Variants in CACNB4 observed in about 807,000 individuals in gnomAD.
The protein encoded by CACNB4 is calcium voltage-gated channel auxiliary subunit beta 4.
A neutral mutation model predicts 71.2 loss-of-function variants in CACNB4; 32 were observed. The observed-to-expected ratio is 0.45, with a 90% confidence interval of 0.34 to 0.60. The LOEUF (loss-of-function observed/expected upper bound fraction) is 0.60, where lower values mean the gene tolerates loss of function less well. Ranked by LOEUF, CACNB4 falls within the 20% of genes least tolerant of loss-of-function variation. The pLI, the probability that CACNB4 is intolerant of heterozygous loss-of-function variation, is 0.01. For missense variants in CACNB4, 464 were observed against 647.9 expected, an observed-to-expected ratio of 0.72 and a Z score of 3.08; for synonymous variants, 231 against 236.9, an observed-to-expected ratio of 0.97 and a Z score of 0.23.
intron 2 of CACNB4, among the ~76,000 whole-genome samples, chr2:152,042,544 G>A (rs1037615135): frequency 6.6e-6 from 1 of 152,004 alleles, no homozygotes; most frequent in Non-Finnish European, 1.5e-5. Context: ...CCAAATCACC[G>A]GCTAAATGTA....
chr2:151,841,389 A>C (rs989117399), intron 13 of CACNB4, among the ~76,000 whole-genome samples: 3 of 152,124 alleles, frequency 2.0e-5, no homozygotes, highest in Non-Finnish European at 2.9e-5. Flanking sequence ...CCTGGGCAAC[A>C]AAGTGAGACA....
chr2:151,841,181 C>A (rs2099836131), intron 13 of CACNB4, among the ~76,000 whole-genome samples: 1 of 152,200 alleles, frequency 6.6e-6, no homozygotes. Context: ...GGCCTAGCAA[C>A]CTGGGTGCGG....
At chr2:151,935,068 C>T (rs1160625889) in intron 2 of CACNB4, among the ~76,000 whole-genome samples, 1 of 152,218 alleles carries the variant, frequency 6.6e-6, no homozygotes, top group Non-Finnish European at 1.5e-5. Context: ...TCACCTGGAA[C>T]ATCACAAGTG....
chr2:151,979,768 G>A (rs1354133208), intron 2 of CACNB4, among the ~76,000 whole-genome samples: 1 of 152,196 alleles, frequency 6.6e-6, no homozygotes, highest in Non-Finnish European at 1.5e-5. Flanking sequence ...TGAAGATCCT[G>A]AAGACAGAAA....
At chr2:152,010,021 T>C (rs746506985) in intron 2 of CACNB4, among the ~76,000 whole-genome samples, 4 of 152,264 alleles carry the variant, frequency 2.6e-5, no homozygotes, top group Non-Finnish European at 5.9e-5. Flanking sequence ...ACATTAATAC[T>C]GAGTCACAAC....
chr2:151,975,601 G>A (rs948101358), intron 2 of CACNB4, among the ~76,000 whole-genome samples: 9 of 152,108 alleles, frequency 5.9e-5, no homozygotes, highest in Non-Finnish European at 1.2e-4. Flanking sequence ...TCTACCTGTC[G>A]ACAAGGATGC....
At chr2:151,839,910 A>T (rs950896606) in intron 13 of CACNB4, among the ~76,000 whole-genome samples, 1 of 152,204 alleles carries the variant, frequency 6.6e-6, no homozygotes, top group Non-Finnish European at 1.5e-5. Context: ...CATCCTACAT[A>T]AATGTAATAA....
At chr2:151,863,954 CTTA>C (rs2099842418) in intron 9 of CACNB4, among the ~76,000 whole-genome samples, 1 of 152,158 alleles carries the variant, frequency 6.6e-6, no homozygotes, top group Non-Finnish European at 1.5e-5. Flanking sequence ...TGCATAGATG[CTTA>C]TTATTATCAA....
intron 2 of CACNB4, among the ~76,000 whole-genome samples, chr2:151,934,946 C>G (rs1252939161): frequency 6.6e-6 from 1 of 152,232 alleles, no homozygotes; most frequent in Admixed American, 6.5e-5. Flanking sequence ...ACTAAACACA[C>G]ACATCCACTA....
At position 151,834,568 on chromosome 2, in the gene CACNB4, CTT is replaced by C. The variant is rs2099834484; in HGVS notation, c.*4549_*4550del. 1 of 151,900 alleles carries C rather than the reference CTT, an allele frequency of 6.6e-6. No individual in the cohort carries two copies. The highest frequency in any genetic ancestry group is 2.1e-4 in the South Asian group (1 of 4,822). 9.4% of individuals were successfully genotyped at this position (151,900 alleles called of 1,614,324 possible). ...AAGTCCATTTTAATAAAAGAAGAAA[CTT>C]TTAAAAGTAATTTTTGAATGCTGTA... is the stretch of plus-strand genomic sequence containing the variant. On this transcript the variant is annotated 3_prime_UTR_variant, in exon 14 of 14. Transcript: ENST00000539935.
chr2:151,972,118 C>G (rs1344843771), intron 2 of CACNB4: 1 of 158,246 alleles, frequency 6.3e-6, no homozygotes, highest in Non-Finnish European at 1.4e-5. Flanking sequence ...TGGCTCCCCT[C>G]TGAACCAGTG....
intron 10 of CACNB4, chr2:151,857,933 T>G (rs968305967): frequency 1.3e-5 from 2 of 152,280 alleles, no homozygotes; most frequent in African/African-American, 4.8e-5. Flanking sequence ...GAGAGGTGCT[T>G]GGGCAGAACA....
intron 2 of CACNB4, among the ~76,000 whole-genome samples, chr2:151,909,471 G>A (rs1379718176): frequency 6.6e-6 from 1 of 151,132 alleles, no homozygotes; most frequent in Non-Finnish European, 1.5e-5. Context: ...AACAAAAAAT[G>A]GGATACAAGT....
intron 2 of CACNB4, among the ~76,000 whole-genome samples, chr2:152,029,967 G>T (rs1275852640): frequency 6.6e-6 from 1 of 152,168 alleles, no homozygotes; most frequent in African/African-American, 2.4e-5. Flanking sequence ...GTGGCATCCT[G>T]AGCTGACTAA....
intron 2 of CACNB4, among the ~76,000 whole-genome samples, chr2:151,940,971 T>C (rs1401592264): frequency 6.6e-6 from 1 of 152,190 alleles, no homozygotes; most frequent in African/African-American, 2.4e-5. Context: ...ACCTTCTAAG[T>C]GCTACTTCCT....
At chr2:151,997,399 T>G (rs1490738943) in intron 2 of CACNB4, among the ~76,000 whole-genome samples, 1 of 152,026 alleles carries the variant, frequency 6.6e-6, no homozygotes, top group Non-Finnish European at 1.5e-5. Context: ...GCAGGCGTGG[T>G]GGCGGGCGCC....
intron 2 of CACNB4, among the ~76,000 whole-genome samples, chr2:151,985,712 A>G (rs965782848): frequency 1.3e-5 from 2 of 150,568 alleles, no homozygotes; most frequent in Admixed American, 6.6e-5. Flanking sequence ...GAATGTGAGT[A>G]TATATAATGC....
At chr2:151,966,114 T>C (rs911534056) in intron 2 of CACNB4, among the ~76,000 whole-genome samples, 1 of 152,208 alleles carries the variant, frequency 6.6e-6, no homozygotes, top group Non-Finnish European at 1.5e-5. Context: ...ATTTTGCATG[T>C]GAAGAAACCT....
At chr2:151,997,407 G>A (rs545193486) in intron 2 of CACNB4, among the ~76,000 whole-genome samples, 15 of 152,074 alleles carry the variant, frequency 9.9e-5, no homozygotes, top group South Asian at 2.1e-4. Context: ...GGTGGCGGGC[G>A]CCTCTAGTCC....
Sources: allele counts gnomAD v4.1 joint callset (sites outside exome capture counted in the v4.1 genomes callset), GRCh38; gene constraint gnomAD v4.1.1; transcripts MANE v1.5; gene names NCBI Gene and HGNC (gene_info 2026-07-23, HGNC 2026-07-21).